CPA6: variants seen among roughly 807,000 people sequenced by gnomAD.
CPA6 encodes carboxypeptidase B.
A neutral mutation model predicts 63.3 loss-of-function variants in CPA6; 58 were observed. That is an observed-to-expected ratio of 0.92 (90% CI 0.74 to 1.14). CPA6 has a LOEUF of 1.14. CPA6 is among the 50% of genes most tolerant of loss of function. The pLI is 0.00. For synonymous variants in CPA6, 185 were observed against 179.0 expected (o/e 1.03, Z -0.27); for missense variants, 565 against 526.6 (o/e 1.07, Z -0.71).
intron 2 of CPA6, among the ~76,000 whole-genome samples, chr8:67,575,591 T>A (rs1304754799): frequency 6.6e-6 from 1 of 152,186 alleles, no homozygotes; most frequent in Non-Finnish European, 1.5e-5. Flanking sequence ...GTGCAGTGGC[T>A]CATGCCTGTA....
chr8:67,445,128 G>A (rs1810382692), intron 8 of CPA6, among the ~76,000 whole-genome samples: 1 of 152,170 alleles, frequency 6.6e-6, no homozygotes, highest in Non-Finnish European at 1.5e-5. Flanking sequence ...GAGATAGTAA[G>A]TATAGACTAT....
chr8:67,665,915 A>G (rs1319647640), intron 1 of CPA6, among the ~76,000 whole-genome samples: 1 of 152,244 alleles, frequency 6.6e-6, no homozygotes, highest in Admixed American at 6.5e-5. Context: ...GGTTTAGTGC[A>G]GTTCCTGACA....
At chr8:67,432,846 C>T (rs559265543) in intron 9 of CPA6, among the ~76,000 whole-genome samples, 1 of 152,250 alleles carries the variant, frequency 6.6e-6, no homozygotes, top group South Asian at 2.1e-4. Context: ...ATTATCAAAC[C>T]AGAGGTGGGC....
chr8:67,461,802 C>G (rs1810818213), intron 8 of CPA6, among the ~76,000 whole-genome samples: 1 of 152,130 alleles, frequency 6.6e-6, no homozygotes, highest in Non-Finnish European at 1.5e-5. Context: ...GACGGGGCGG[C>G]TGGCCGGGCG....
intron 1 of CPA6, among the ~76,000 whole-genome samples, chr8:67,646,097 G>A (rs1815707510): frequency 6.6e-6 from 1 of 152,170 alleles, no homozygotes; most frequent in African/African-American, 2.4e-5. Context: ...CTTCATTATA[G>A]TCTGATCTCT....
chr8:67,632,193 G>A (rs1815355871), intron 1 of CPA6, among the ~76,000 whole-genome samples: 1 of 151,374 alleles, frequency 6.6e-6, no homozygotes, highest in Non-Finnish European at 1.5e-5. Flanking sequence ...TTTTCTCAGA[G>A]ACAGTCTCGC....
intron 6 of CPA6, among the ~76,000 whole-genome samples, chr8:67,488,243 G>A (rs1324034504): frequency 6.6e-6 from 1 of 152,108 alleles, no homozygotes; most frequent in East Asian, 1.9e-4. Context: ...GGTGTAAGGA[G>A]GGGATCCAGT....
At chr8:67,607,434 A>G (rs1814695309) in intron 2 of CPA6, among the ~76,000 whole-genome samples, 1 of 152,010 alleles carries the variant, frequency 6.6e-6, no homozygotes, top group South Asian at 2.1e-4. Context: ...GAGAAATCTT[A>G]ACGGGTCTTC....
rs370821496 is a variant in CPA6 at position 67,640,668 on chromosome 8, T to A, written c.117-16417A>T. 1.7e-3 allele frequency among the ~76,000 whole-genome samples: 250 copies of A among 151,362 alleles called. 8 individuals are homozygous for A. The highest frequency in any genetic ancestry group is 5.9e-3 in the African/African-American group (239 of 40,768). On this transcript the variant is annotated intron_variant, in intron 1 of 10. Transcript: ENST00000297770. ...GGGTCTCAGCCTCAGCTTGGGAAGC[T>A]ATAGTTGCGCCTGGGGAGCTCCTGC...
chr8:67,673,391 T>A (rs1286887133), intron 1 of CPA6, among the ~76,000 whole-genome samples: 1 of 143,236 alleles, frequency 7.0e-6, no homozygotes, highest in African/African-American at 2.7e-5. Context: ...TTTATTTATT[T>A]TTTTTTTTTT....
chr8:67,696,953 T>C (rs1201636946), intron 1 of CPA6, among the ~76,000 whole-genome samples: 1 of 152,254 alleles, frequency 6.6e-6, no homozygotes, highest in Non-Finnish European at 1.5e-5. Context: ...GTCTAGCTCA[T>C]TGAACTGCAT....
rs190701693 is a variant in CPA6, at chr8:67,712,580, G to A, written c.116+33434C>T. On this transcript the variant is annotated intron_variant, in intron 1 of 10. Transcript: ENST00000297770. ...GAGCATGAATCCTCATAAGGGATAT[G>A]AGAATTCCTTCCAGAATGTCAGAGA... Among the ~76,000 whole-genome samples the A allele has an allele frequency of 2.0e-3, 300 of 152,256 alleles. 3 individuals are homozygous for A. Among genetic ancestry groups the A allele is most frequent in the South Asian group, 0.012 (56 of 4,814 alleles).
intron 8 of CPA6, among the ~76,000 whole-genome samples, chr8:67,439,102 C>T (rs1013678050): frequency 4.6e-5 from 7 of 151,842 alleles, no homozygotes; most frequent in African/African-American, 1.7e-4. Context: ...TGAGACCAGC[C>T]TGGCCAACAT....
intron 2 of CPA6, among the ~76,000 whole-genome samples, chr8:67,560,586 A>G (rs1813185126): frequency 6.6e-6 from 1 of 152,146 alleles, no homozygotes; most frequent in South Asian, 2.1e-4. Context: ...ATCACTGCTC[A>G]TTCTCATTCT....
Position 67,438,717 on chromosome 8 carries a change from C to T in CPA6, c.839-4477G>A, listed in dbSNP as rs73260512. On this transcript the variant is annotated intron_variant, in intron 8 of 10. Transcript: ENST00000297770. The stretch of plus-strand genomic sequence containing the variant: ...ATAAGCAATATCCAAAGTGGGGGGG[C>T]GAAGTATAATGATCCAGGTATCAAA... Among the ~76,000 whole-genome samples the T allele has an allele frequency of 3.7e-3, 567 of 151,656 alleles. 4 individuals carry two copies. Among genetic ancestry groups the T allele is most frequent in the African/African-American group, 0.013 (543 of 41,294 alleles).
chr8:67,424,241 A>G (rs1483976523), intron 10 of CPA6, among the ~76,000 whole-genome samples: 1 of 152,218 alleles, frequency 6.6e-6, no homozygotes, highest in Non-Finnish European at 1.5e-5. Context: ...CAGTGTAATA[A>G]TAATGGAAAT....
At chr8:67,512,570 G>A (rs75050951) in intron 3 of CPA6, among the ~76,000 whole-genome samples, 4,514 of 152,308 alleles carry the variant, frequency 0.03, 222 homozygotes, top group African/African-American at 0.1. Flanking sequence ...GATGTGACAT[G>A]TGAGTTAGAT....
At chr8:67,661,662 G>T (rs1816112483) in intron 1 of CPA6, among the ~76,000 whole-genome samples, 1 of 152,206 alleles carries the variant, frequency 6.6e-6, no homozygotes, top group Non-Finnish European at 1.5e-5. Context: ...GTAAAAGCTA[G>T]AAGAGTCAAG....
intron 8 of CPA6, among the ~76,000 whole-genome samples, chr8:67,469,935 T>C (rs1267779427): frequency 6.6e-6 from 1 of 152,218 alleles, no homozygotes. Context: ...CTGTGGCATC[T>C]GTCTCTGCTT....
Sources: gnomAD v4.1 joint callset for allele counts (sites outside exome capture counted in the v4.1 genomes callset) on GRCh38, gnomAD v4.1.1 for gene constraint, MANE v1.5 for transcripts, NCBI Gene and HGNC (gene_info 2026-07-23, HGNC 2026-07-21) for gene names.